Variants in PCOLCE2 observed in about 807,000 individuals in gnomAD.
PCOLCE2 encodes the protein procollagen C-proteinase enhancer 2.
A neutral mutation model predicts 47.0 loss-of-function variants in PCOLCE2; 42 were observed. That is an observed-to-expected ratio of 0.89 (90% confidence interval 0.70 to 1.16). The LOEUF is 1.16. Among genes scored for constraint, PCOLCE2 ranks in the 50% most tolerant of loss-of-function variants. The pLI is 0.00. For missense variants in PCOLCE2, 500 were observed against 526.1 expected (o/e 0.95, Z 0.49); for synonymous variants, 169 against 191.7 (o/e 0.88, Z 0.98).
intron 2 of PCOLCE2, among the ~76,000 whole-genome samples, chr3:142,874,482 C>A (rs753811576): frequency 6.6e-6 from 1 of 152,180 alleles, no homozygotes; most frequent in Non-Finnish European, 1.5e-5. Flanking sequence ...CTGACACCTT[C>A]CCAGCCATGA....
chr3:142,855,152 A>G (rs1466917687), intron 2 of PCOLCE2, among the ~76,000 whole-genome samples: 1 of 152,114 alleles, frequency 6.6e-6, no homozygotes, highest in Non-Finnish European at 1.5e-5. Context: ...GCCTATCCTG[A>G]GCACCCCTGG....
In PCOLCE2 at chr3:142,888,995, C is replaced by CAGCGCTGGCTCACACTGGCAGG. The variant is rs1933773338; in HGVS notation, c.-100_-99insCCTGCCAGTGTGAGCCAGCGCT. On this transcript the variant is annotated 5_prime_UTR_variant, in exon 1 of 9. Transcript: ENST00000295992. ...CTCACACCGCCGCTCACACTGGCAG[C>CAGCGCTGGCTCACACTGGCAGG]AGCGCTGGCTCACACCGGCGCTCGG... The CAGCGCTGGCTCACACTGGCAGG allele has an allele frequency of 1.7e-6, 1 of 587,146 alleles. No individual in the cohort carries two copies. Among genetic ancestry groups the CAGCGCTGGCTCACACTGGCAGG allele is most frequent in the South Asian group, 5.2e-5 (1 of 19,070 alleles). 36.4% of individuals were successfully genotyped at this position (587,146 alleles called of 1,614,324 possible). A position where few individuals can be genotyped will look rare whatever the true frequency, so the allele number is the denominator to read the frequency against.
intron 6 of PCOLCE2, 89 bp from the exon 7 acceptor site, chr3:142,823,704 T>C: frequency 4.0e-6 from 3 of 750,584 alleles, no homozygotes; most frequent in Non-Finnish European, 6.9e-6. Flanking sequence ...AAAATTATCA[T>C]TTATTTCCCT....
chr3:142,837,713 C>T (rs1466109593), intron 5 of PCOLCE2, among the ~76,000 whole-genome samples: 1 of 152,154 alleles, frequency 6.6e-6, no homozygotes, highest in Non-Finnish European at 1.5e-5. Flanking sequence ...ACCAGAATTA[C>T]ACCAGAAATA....
At chr3:142,870,702 G>A (rs1933372645) in intron 2 of PCOLCE2, among the ~76,000 whole-genome samples, 1 of 146,922 alleles carries the variant, frequency 6.8e-6, no homozygotes, top group African/African-American at 2.7e-5. Flanking sequence ...CAGTGAATGA[G>A]GCAATTTTTT....
At chr3:142,879,740 A>T (rs879521893) in intron 2 of PCOLCE2, among the ~76,000 whole-genome samples, 15 of 152,188 alleles carry the variant, frequency 9.9e-5, no homozygotes, top group Admixed American at 3.3e-4. Context: ...GAGGCCGAGG[A>T]GGGCGGATCA....
chr3:142,827,304 A>G (rs1937092083), intron 6 of PCOLCE2: 2 of 1,344,950 alleles, frequency 1.5e-6, no homozygotes, highest in Admixed American at 1.7e-5. Context: ...TTTGCCTTAT[A>G]TTTGTGGTAG....
At chr3:142,860,487 C>A (rs759984337) in intron 2 of PCOLCE2, among the ~76,000 whole-genome samples, 3 of 152,056 alleles carry the variant, frequency 2.0e-5, no homozygotes, top group Non-Finnish European at 4.4e-5. Flanking sequence ...CGGCTCACTG[C>A]AACCTCTGCC....
chr3:142,842,822 C>A lies in PCOLCE2; in HGVS notation c.573+102G>T. The A allele has an allele frequency of 8.9e-7, 1 of 1,124,508 alleles. No homozygotes were observed. Among genetic ancestry groups the A allele is most frequent in the Non-Finnish European group, 1.3e-6 (1 of 762,810 alleles). 69.7% of individuals were successfully genotyped at this position (1,124,508 alleles called of 1,614,324 possible). On this transcript the variant is annotated intron_variant, in intron 4 of 8. Coordinates refer to ENST00000295992, the MANE Select transcript of PCOLCE2 (RefSeq NM_013363.4). The surrounding 1 kb of genome is among the most constrained non-coding windows in gnomAD (Gnocchi z 4.1). Reference sequence around the variant, plus strand: ...CTTCCTCTTCTTGTATCCCTTAGCTCTCGAATAGCCCCCACAACAGGAGGC... The same window carrying A: ...CTTCCTCTTCTTGTATCCCTTAGCTATCGAATAGCCCCCACAACAGGAGGC...
At chr3:142,834,718 G>A (rs900351012) in intron 5 of PCOLCE2, among the ~76,000 whole-genome samples, 20 of 152,172 alleles carry the variant, frequency 1.3e-4, no homozygotes, top group African/African-American at 4.8e-4. Context: ...AATTTGGCTT[G>A]CCAAGTTTTT....
intron 2 of PCOLCE2, among the ~76,000 whole-genome samples, chr3:142,886,818 G>C (rs945496384): frequency 7.9e-5 from 12 of 152,122 alleles, no homozygotes; most frequent in Non-Finnish European, 1.8e-4. Context: ...TAACTACTTG[G>C]CATGGTAAAT....
rs752255624 is a variant in PCOLCE2, at chr3:142,829,743, G to GT, written c.813dup (p.Leu272ThrfsTer31). 3.1e-6 allele frequency: 5 copies of GT among 1,609,778 alleles called. No homozygotes were observed. Among genetic ancestry groups the GT allele is most frequent in the East Asian group, 2.2e-5 (1 of 44,762 alleles). On this transcript the variant is annotated frameshift_variant, in exon 6 of 9. Coordinates refer to ENST00000295992, the MANE Select transcript of PCOLCE2 (RefSeq NM_013363.4). LOFTEE classifies it high-confidence loss of function. ...ACAGGCTGTTCTGTAGTTGTAGGCA[G>GT]TTTTTTTGGCCTGAATATGTAGTGA... is the stretch of plus-strand genomic sequence containing the variant.
chr3:142,827,236 A>C, intron 6 of PCOLCE2: 1 of 1,227,876 alleles, frequency 8.1e-7, no homozygotes, highest in Non-Finnish European at 1.2e-6. Context: ...TGCCACCTCC[A>C]AAAGGATGCT....
At chr3:142,839,458 G>C (rs1937241292) in intron 4 of PCOLCE2, among the ~76,000 whole-genome samples, 1 of 151,952 alleles carries the variant, frequency 6.6e-6, no homozygotes, top group Non-Finnish European at 1.5e-5. Context: ...AGTTTCAGGT[G>C]CCCGCCACCA....
At chr3:142,865,740 C>G (rs940644273) in intron 2 of PCOLCE2, among the ~76,000 whole-genome samples, 1 of 152,114 alleles carries the variant, frequency 6.6e-6, no homozygotes, top group Non-Finnish European at 1.5e-5. Flanking sequence ...AGTCAGCAGG[C>G]TCATTATATA....
At chr3:142,887,382 T>C (rs1225419445) in intron 2 of PCOLCE2, 1 of 263,556 alleles carries the variant, frequency 3.8e-6, no homozygotes, top group Non-Finnish European at 7.1e-6. Context: ...GCTTTAATTA[T>C]GAATCTATAA....
chr3:142,873,781 G>T (rs116531506), intron 2 of PCOLCE2, among the ~76,000 whole-genome samples: 1,840 of 152,294 alleles, frequency 0.012, 35 homozygotes, highest in African/African-American at 0.041. Context: ...AGTCACTCAA[G>T]AGAATCATAT....
intron 2 of PCOLCE2, among the ~76,000 whole-genome samples, chr3:142,883,782 T>C (rs1160057394): frequency 6.6e-6 from 1 of 152,166 alleles, no homozygotes; most frequent in Non-Finnish European, 1.5e-5. Context: ...ATGAACAAGT[T>C]ATGAATGAAA....
At chr3:142,882,500 AT>A (rs1194735762) in intron 2 of PCOLCE2, among the ~76,000 whole-genome samples, 1 of 152,234 alleles carries the variant, frequency 6.6e-6, no homozygotes. Context: ...GTACTTTTAA[AT>A]TATAAATAAT....
Sources: allele counts gnomAD v4.1 joint callset (sites outside exome capture counted in the v4.1 genomes callset), GRCh38; gene constraint gnomAD v4.1.1; non-coding constraint Gnocchi (gnomAD v3.1); transcripts MANE v1.5; gene names NCBI Gene and HGNC (gene_info 2026-07-23, HGNC 2026-07-21).